The following BIK variants were observed in gnomAD, a reference collection of about 807,000 sequenced individuals.
BIK encodes the protein bcl-2-interacting killer.
A neutral mutation model predicts 12.1 loss-of-function variants in BIK; 14 were observed. The observed-to-expected ratio is 1.16, with a 90% CI of 0.77 to 1.81. The LOEUF is 1.81. BIK is among the 40% of genes most tolerant of loss of function. The probability of loss-of-function intolerance (pLI) is 0.00; values close to 1 mark genes in which losing one functional copy is unlikely to be tolerated. For synonymous variants in BIK, 86 were observed against 92.3 expected (o/e 0.93, Z 0.39); for missense variants, 215 against 207.9 (o/e 1.03, Z -0.21).
rs1207970785 is a variant in BIK, at chr22:43,129,203, G to GC, written c.391-9dup. 6.2e-7 allele frequency: 1 copy of GC among 1,603,838 alleles called. No individual in the cohort carries two copies. Among genetic ancestry groups the GC allele is most frequent in the Admixed American group, 1.7e-5 (1 of 60,020 alleles). ...GCCCCGAGCCTGACTCCTCTGCTTT[G>GC]CTCCCACAGGTGTCCTGCGAACAGG... On this transcript the variant is annotated splice_polypyrimidine_tract_variant and intron_variant, in intron 4 of 4. Transcript: ENST00000216115.
chr22:43,120,130 G>A (rs998648813), intron 1 of BIK, among the ~76,000 whole-genome samples: 8 of 152,334 alleles, frequency 5.3e-5, no homozygotes, highest in East Asian at 1.9e-4. Context: ...TGGTTAGCGC[G>A]GGAACCAAGA....
chr22:43,127,867 A>G, intron 3 of BIK, 72 bp downstream of exon 3: 1 of 1,397,352 alleles, frequency 7.2e-7, no homozygotes, highest in South Asian at 1.3e-5. Flanking sequence ...CCCTGAACAC[A>G]GCACAGGGCT....
rs139910171 is a variant in BIK at position 43,129,624 on chromosome 22, CCT to C, written c.*320_*321del. ...TAGCAGGGGGAGTGCTGGTCACACC[CCT>C]GTGTGATATGTGATGCCCTCGGCAA... On this transcript the variant is annotated 3_prime_UTR_variant, in exon 5 of 5. Coordinates refer to ENST00000216115, the MANE Select transcript of BIK (RefSeq NM_001197.5). 1.2e-4 allele frequency: 50 copies of C among 407,436 alleles called. No individual in the cohort carries two copies. Among genetic ancestry groups the C allele is most frequent in the East Asian group, 5.3e-4 (11 of 20,698 alleles). The allele number at this position is 407,436 out of a possible 1,614,324, so 25.2% of individuals were successfully genotyped here. A position where few individuals can be genotyped will look rare whatever the true frequency, so the allele number is the denominator to read the frequency against.
intron 4 of BIK, 54 bp from the exon 5 acceptor site, chr22:43,129,159 G>T: frequency 6.3e-7 from 1 of 1,599,910 alleles, no homozygotes; most frequent in East Asian, 2.2e-5. Context: ...TCACCCGTCT[G>T]GCCCCATTGC....
chr22:43,123,015 G>T (rs1930246832), intron 1 of BIK, among the ~76,000 whole-genome samples: 1 of 152,178 alleles, frequency 6.6e-6, no homozygotes, highest in South Asian at 2.1e-4. Flanking sequence ...GATGAATGAG[G>T]ATGCAGGGCC....
At chr22:43,126,861 C>T (rs1002679860) in intron 2 of BIK, among the ~76,000 whole-genome samples, 16 of 152,140 alleles carry the variant, frequency 1.1e-4, no homozygotes, top group African/African-American at 3.6e-4. Flanking sequence ...ACCCTGATTG[C>T]CAGCCCACAC....
chr22:43,120,102 G>A (rs1930191212), intron 1 of BIK, among the ~76,000 whole-genome samples: 1 of 152,256 alleles, frequency 6.6e-6, no homozygotes. Flanking sequence ...CACCATCCAT[G>A]GAAAGCATAC....
At chr22:43,126,394 C>A (rs1429391934) in intron 2 of BIK, among the ~76,000 whole-genome samples, 1 of 151,978 alleles carries the variant, frequency 6.6e-6, no homozygotes, top group Non-Finnish European at 1.5e-5. Context: ...ATCATGTTAG[C>A]CAGGATGGTC....
chr22:43,124,005 T>C lies in BIK; in HGVS notation c.-7-11T>C. On this transcript the variant is annotated splice_polypyrimidine_tract_variant and intron_variant, in intron 1 of 4. Coordinates refer to ENST00000216115, the MANE Select transcript of BIK (RefSeq NM_001197.5). ...TTAGGGGTCCAGTCATATGCTGTCT[T>C]TTTGCCCCAGAGGAGAAATGTCTGA... is the stretch of plus-strand genomic sequence containing the variant. 6.2e-7 allele frequency: 1 copy of C among 1,613,738 alleles called. No homozygotes were observed. Among genetic ancestry groups the C allele is most frequent in the African/African-American group, 1.3e-5 (1 of 74,976 alleles).
intron 1 of BIK, among the ~76,000 whole-genome samples, chr22:43,118,606 G>A (rs770120232): frequency 2.0e-5 from 3 of 152,192 alleles, no homozygotes; most frequent in Admixed American, 6.5e-5. Context: ...GCCAGGCTGT[G>A]ACTGGGAGGG....
At chr22:43,112,163 G>C (rs1009680167) in intron 1 of BIK, among the ~76,000 whole-genome samples, 2 of 152,124 alleles carry the variant, frequency 1.3e-5, no homozygotes, top group African/African-American at 4.8e-5. Flanking sequence ...TTTGGAATAA[G>C]TTCTCAGGAA....
At position 43,112,983 on chromosome 22, in the gene BIK, C is replaced by T. The variant is rs370877336; in HGVS notation, c.-8+2180C>T. 9.9e-4 allele frequency among the ~76,000 whole-genome samples: 150 copies of T among 152,074 alleles called. 1 individual carries two copies. Among genetic ancestry groups the T allele is most frequent in the African/African-American group, 3.5e-3 (145 of 41,404 alleles). ...CTTTGGGAGGCCGAGGGAGATGGATCACCTGAGGTCAGGAGTTGTGAGACG... is the reference window on the plus strand; with the variant it reads ...CTTTGGGAGGCCGAGGGAGATGGATTACCTGAGGTCAGGAGTTGTGAGACG... On this transcript the variant is annotated intron_variant, in intron 1 of 4. Transcript: ENST00000216115.
rs770229284 is a variant in BIK at position 43,128,569 on chromosome 22, A to G, written c.334A>G (p.Thr112Ala). 1.9e-6 allele frequency: 3 copies of G among 1,614,006 alleles called. No individual in the cohort carries two copies. Among genetic ancestry groups the G allele is most frequent in the Non-Finnish European group, 2.5e-6 (3 of 1,179,930 alleles). Residue 112 changes from threonine to alanine, a missense_variant, in exon 4 of 5, where the codon ACC becomes GCC. Physicochemically the swap from Thr to Ala is moderately conservative, Grantham distance 58. Transcript: ENST00000216115. Reference protein sequence around the residue: ...DVLRSFMDGFTTLKENIMRFW... With the variant: ...DVLRSFMDGFATLKENIMRFW... Reference sequence around the variant, plus strand: ...TCTTAGAAGTTTCATGGACGGTTTCACCACACTTAAGGAGAACATAATGAG... The same window carrying G: ...TCTTAGAAGTTTCATGGACGGTTTCGCCACACTTAAGGAGAACATAATGAG...
intron 2 of BIK, among the ~76,000 whole-genome samples, chr22:43,125,838 T>C (rs1017104516): frequency 2.0e-5 from 3 of 152,162 alleles, no homozygotes; most frequent in African/African-American, 7.2e-5. Context: ...CACTGAGGCA[T>C]GAAGAAGGGA....
intron 1 of BIK, among the ~76,000 whole-genome samples, chr22:43,117,364 TTTTTTC>T (rs1203518914): frequency 1.3e-5 from 2 of 151,966 alleles, no homozygotes; most frequent in Non-Finnish European, 2.9e-5. Flanking sequence ...ACGGATTTTT[TTTTTTC>T]TTTTTCTTTT....
Position 43,127,732 on chromosome 22 carries a change from A to G in BIK, c.197A>G (p.Asp66Gly), listed in dbSNP as rs1930346442. 2 of 1,555,542 alleles carry G rather than the reference A, an allele frequency of 1.3e-6. No individual in the cohort carries two copies. Among genetic ancestry groups the G allele is most frequent in the Non-Finnish European group, 1.7e-6 (2 of 1,150,432 alleles). ...ALALRLACIG[D>G]EMDVSLRAPR... ...GCCCTGCGGCTGGCCTGCATCGGGG[A>G]CGAGATGGACGTGAGCCTCAGGGCC... is the stretch of plus-strand genomic sequence containing the variant. Residue 66 changes from aspartate to glycine, a missense_variant, in exon 3 of 5, where the codon GAC (aspartate) becomes GGC (glycine). Physicochemically the swap from Asp to Gly is moderately conservative, Grantham distance 94 (BLOSUM62 -1). Transcript: ENST00000216115.
Position 43,128,518 on chromosome 22 carries a change from G to A in BIK, c.283G>A (p.Asp95Asn), listed in dbSNP as rs545742731. 9.3e-6 allele frequency: 15 copies of A among 1,613,720 alleles called. No individual in the cohort carries two copies. The highest frequency in any genetic ancestry group is 1.7e-5 in the Admixed American group (1 of 59,984). Residue 95 changes from aspartate (D) to asparagine (N), a missense_variant, in exon 4 of 5, where the codon GAC becomes AAC. Transcript: ENST00000216115. The stretch of plus-strand genomic sequence containing the variant: ...TAGCCTGGGTCTGGCTTTCATCTAC[G>A]ACCAGACTGAGGACATCAGGGATGT... ...MHSLGLAFIY[D>N]QTEDIRDVLR...
rs1930374240 is a variant in BIK, at chr22:43,128,715, C to T, written c.390+90C>T. On this transcript the variant is annotated intron_variant, in intron 4 of 4. Coordinates refer to ENST00000216115, the MANE Select transcript of BIK (RefSeq NM_001197.5). Reference sequence around the variant, plus strand: ...CCTTGGGGCGCCACAGTCCCCACCACTCCGTATCATCATCTGTGTCACCTG... The same window carrying T: ...CCTTGGGGCGCCACAGTCCCCACCATTCCGTATCATCATCTGTGTCACCTG... 13 of 1,474,390 alleles carry T rather than the reference C, an allele frequency of 8.8e-6. No individual in the cohort carries two copies. In the South Asian group the frequency reaches 1.6e-4, roughly 18 times the overall value. The allele number at this position is 1,474,390 out of a possible 1,614,324, so 91.3% of individuals were successfully genotyped here.
rs754966751 is a variant in BIK at position 43,124,172 on chromosome 22, C to T, written c.150C>T (p.Cys50=). Residue 50 remains cysteine, a synonymous_variant, in exon 2 of 5, where the codon TGC becomes TGT. Coordinates refer to ENST00000216115, the MANE Select transcript of BIK (RefSeq NM_001197.5). ...DPMEDFDSLE[C]MEGSDALALR... ...TGGAGGACTTCGATTCTTTGGAATG[C>T]ATGGAGGGCAGGTAGGTCCCCATGG... The T allele has an allele frequency of 3.7e-6, 6 of 1,613,888 alleles. No homozygotes were observed. In the African/African-American group the frequency reaches 8.0e-5, roughly 22 times the overall value.
Sources: allele counts gnomAD v4.1 joint callset (sites outside exome capture counted in the v4.1 genomes callset), GRCh38; gene constraint gnomAD v4.1.1; transcripts MANE v1.5; gene names NCBI Gene and HGNC (gene_info 2026-07-23, HGNC 2026-07-21).